LOC400499: variants seen among roughly 807,000 people sequenced by gnomAD.
the LOC400499 span, among the ~76,000 whole-genome samples, chr16:11,380,243 CTT>C: frequency 2.3e-4 from 34 of 146,346 alleles, no homozygotes; most frequent in Admixed American, 2.7e-4. Context: ...CACCTAGCAT[CTT>C]TTTTTTTTTT....
the LOC400499 span, among the ~76,000 whole-genome samples, chr16:11,477,143 C>T: frequency 1.1e-4 from 17 of 152,240 alleles, no homozygotes; most frequent in African/African-American, 3.9e-4. Flanking sequence ...GATGGGGAAA[C>T]TGAGGCTCAG....
chr16:11,385,554 G>A, the LOC400499 span: 9 of 514,478 alleles, frequency 1.7e-5, no homozygotes, highest in Middle Eastern at 5.4e-4. Context: ...CCCCTCCCCT[G>A]GCGCAGCAGC....
chr16:11,441,527 G>T, the LOC400499 span, among the ~76,000 whole-genome samples: 1 of 152,022 alleles, frequency 6.6e-6, no homozygotes, highest in African/African-American at 2.4e-5. Flanking sequence ...AACACTCATT[G>T]CACGATGACA....
chr16:11,373,588 G>A, the LOC400499 span, among the ~76,000 whole-genome samples: 1 of 152,034 alleles, frequency 6.6e-6, no homozygotes, highest in Non-Finnish European at 1.5e-5. Flanking sequence ...GCCTCCCAAA[G>A]TGCTGGGGTT....
the LOC400499 span, among the ~76,000 whole-genome samples, chr16:11,506,582 G>A: frequency 1.1e-4 from 17 of 152,120 alleles, no homozygotes; most frequent in African/African-American, 3.6e-4. Flanking sequence ...TGCTGGCTCC[G>A]TCTGTCTGTC....
chr16:11,406,139 G>A, the LOC400499 span, among the ~76,000 whole-genome samples: 1 of 152,212 alleles, frequency 6.6e-6, no homozygotes, highest in Non-Finnish European at 1.5e-5. Context: ...ATCATACCAG[G>A]CAGGTAATTT....
At chr16:11,446,635 A>G in the LOC400499 span, 1 of 1,536,044 alleles carries the variant, frequency 6.5e-7, no homozygotes, top group African/African-American at 1.4e-5. Flanking sequence ...ACCTGCACAG[A>G]CCTGGGAGGG....
the LOC400499 span, among the ~76,000 whole-genome samples, chr16:11,463,263 C>A: frequency 1.6e-5 from 1 of 63,604 alleles, no homozygotes; most frequent in African/African-American, 6.1e-5. Flanking sequence ...CACCCCCACG[C>A]CCCCCTGATG....
At chr16:11,381,023 C>T in the LOC400499 span, 2 of 153,244 alleles carry the variant, frequency 1.3e-5, no homozygotes, top group Non-Finnish European at 2.9e-5. Context: ...TCTCACCAGT[C>T]ACATTTTTGG....
At chr16:11,451,178 G>A in the LOC400499 span, among the ~76,000 whole-genome samples, 1 of 152,204 alleles carries the variant, frequency 6.6e-6, no homozygotes, top group African/African-American at 2.4e-5. Flanking sequence ...AGAGAGAGAG[G>A]TGATGAGGCA....
chr16:11,522,041 G>C, the LOC400499 span: 1 of 399,212 alleles, frequency 2.5e-6, no homozygotes, highest in Non-Finnish European at 4.4e-6. Flanking sequence ...ACGTCCTGCA[G>C]GCTGGTGCTG....
the LOC400499 span, among the ~76,000 whole-genome samples, chr16:11,406,729 G>A: frequency 2.9e-4 from 44 of 152,346 alleles, no homozygotes; most frequent in South Asian, 9.1e-3. Flanking sequence ...ACCGTGCCCG[G>A]CCTTCCCCCG....
chr16:11,399,321 G>A, the LOC400499 span: 1 of 848,832 alleles, frequency 1.2e-6, no homozygotes. Flanking sequence ...TTTCACAGAT[G>A]AGAACACTAA....
At chr16:11,478,035 G>A in the LOC400499 span, 31 of 396,890 alleles carry the variant, frequency 7.8e-5, no homozygotes, top group African/African-American at 4.5e-4. Context: ...AGCGGGGGCC[G>A]GGCTCGGTGG....
At chr16:11,488,957 T>A in the LOC400499 span, 4 of 396,698 alleles carry the variant, frequency 1.0e-5, no homozygotes, top group Non-Finnish European at 1.8e-5. Flanking sequence ...CCGACCCCCA[T>A]CCCAGTCCTG....
chr16:11,436,117 T>C, the LOC400499 span, among the ~76,000 whole-genome samples: 2 of 152,140 alleles, frequency 1.3e-5, no homozygotes, highest in Non-Finnish European at 2.9e-5. Flanking sequence ...TTCCACCACA[T>C]GTGAAATGGG....
At chr16:11,455,482 A>T in the LOC400499 span, among the ~76,000 whole-genome samples, 1 of 152,116 alleles carries the variant, frequency 6.6e-6, no homozygotes, top group African/African-American at 2.4e-5. Context: ...CACCTGTAAT[A>T]CCAGCACTTT....
At chr16:11,471,732 G>A in the LOC400499 span, 50 of 399,218 alleles carry the variant, frequency 1.3e-4, no homozygotes, top group African/African-American at 8.8e-4. Context: ...TCACGGCCGC[G>A]AACACAGGCA....
the LOC400499 span, among the ~76,000 whole-genome samples, chr16:11,432,399 TC>T: frequency 6.6e-6 from 1 of 152,212 alleles, no homozygotes; most frequent in Non-Finnish European, 1.5e-5. Flanking sequence ...ATTGTCTGAC[TC>T]CTTACAAAAG....
Sources: allele counts gnomAD v4.1 joint callset (sites outside exome capture counted in the v4.1 genomes callset), GRCh38; gene constraint gnomAD v4.1.1; transcripts MANE v1.5.